The following FBXO27 variants were observed in gnomAD, a reference collection of about 807,000 sequenced individuals.
FBXO27 encodes the protein F-box only protein 27.
In FBXO27, 28 loss-of-function variants were observed where a neutral mutation model predicts 28.3. The observed-to-expected ratio is 0.99, with a 90% CI of 0.73 to 1.36. FBXO27 has a LOEUF of 1.36. FBXO27 is among the 40% of genes most tolerant of loss of function. The probability of loss-of-function intolerance (pLI) is 0.00; values close to 1 mark genes in which losing one functional copy is unlikely to be tolerated. For missense variants in FBXO27, 388 were observed against 394.1 expected (o/e 0.98, Z 0.13); for synonymous variants, 175 against 167.3 (o/e 1.05, Z -0.36).
In FBXO27 at chr19:39,014,734, A is replaced by AAACAAAC. The variant is rs1555757171; in HGVS notation, c.92-188_92-187insGTTTGTT. ...GAGTAAGACCCTGTCTAAAAACAAA[A>AAACAAAC]AAACAAACAAACAAACAAACAAAAA... On this transcript the variant is annotated intron_variant, in intron 1 of 2. Transcript: ENST00000598394. Among the ~76,000 whole-genome samples, 1,088 of 149,120 alleles carry AAACAAAC rather than the reference A, an allele frequency of 7.3e-3. 13 individuals are homozygous for AAACAAAC. The highest frequency in any genetic ancestry group is 0.023 in the African/African-American group (922 of 40,164).
At chr19:39,026,580 T>C (rs556636327) in intron 5 of FBXO27, among the ~76,000 whole-genome samples, 5 of 152,194 alleles carry the variant, frequency 3.3e-5, no homozygotes, top group Admixed American at 6.5e-5. Flanking sequence ...ATTCAAACGA[T>C]TGCCTGCCTC....
chr19:39,022,236 G>A (rs1392293807), downstream of FBXO27, among the ~76,000 whole-genome samples: 1 of 140,246 alleles, frequency 7.1e-6, no homozygotes, highest in Non-Finnish European at 1.5e-5. Flanking sequence ...GGGGGCTCCA[G>A]TGATCCTCCC....
At chr19:39,012,704 T>C (rs2072801580) in intron 2 of FBXO27, among the ~76,000 whole-genome samples, 1 of 151,990 alleles carries the variant, frequency 6.6e-6, no homozygotes, top group Non-Finnish European at 1.5e-5. Flanking sequence ...ATGCCTGTAA[T>C]GCTAGCACTT....
intron 2 of FBXO27, among the ~76,000 whole-genome samples, chr19:39,011,344 A>C (rs952810249): frequency 2.6e-5 from 4 of 152,250 alleles, no homozygotes; most frequent in Admixed American, 2.6e-4. Flanking sequence ...AGGCATGAGA[A>C]TTGCTTGAAC....
In FBXO27 at chr19:39,010,143, C is replaced by CTT. The variant is rs60049248; in HGVS notation, c.252+4242_252+4243dup. ...TTAAATTTTGATGAGGTTAAATTTACTTTTTTTTTTCCTATTGTTGCTTGT... is the reference window on the plus strand; with the variant it reads ...TTAAATTTTGATGAGGTTAAATTTACTTTTTTTTTTTTCCTATTGTTGCTTGT... On this transcript the variant is annotated intron_variant, in intron 2 of 2. Coordinates refer to the FBXO27 transcript ENST00000598394. Among the ~76,000 whole-genome samples, 970 of 149,246 alleles carry CTT rather than the reference C, an allele frequency of 6.5e-3. 5 individuals carry two copies. The highest frequency in any genetic ancestry group is 0.016 in the Admixed American group (244 of 14,868).
intron 4 of FBXO27, among the ~76,000 whole-genome samples, chr19:39,030,255 T>C (rs1483348072): frequency 2.0e-5 from 3 of 152,206 alleles, no homozygotes; most frequent in Admixed American, 1.3e-4. Flanking sequence ...TCACATAAAG[T>C]ACTTGCTATG....
chr19:39,012,985 G>A (rs8104357), intron 2 of FBXO27, among the ~76,000 whole-genome samples: 10,168 of 59,286 alleles, frequency 0.17, 436 homozygotes, highest in Middle Eastern at 0.32. Flanking sequence ...ACAAACAAAC[G>A]AACAAACAAA....
At chr19:39,027,185 C>A (rs188287355) in intron 4 of FBXO27, among the ~76,000 whole-genome samples, 180 bp from the exon 5 acceptor site, 322 of 152,216 alleles carry the variant, frequency 2.1e-3, no homozygotes, top group Non-Finnish European at 3.7e-3. Flanking sequence ...GATGGGGACC[C>A]AGGTGGTACT....
At chr19:39,010,858 T>C (rs1378977632) in intron 2 of FBXO27, among the ~76,000 whole-genome samples, 1 of 152,212 alleles carries the variant, frequency 6.6e-6, no homozygotes, top group Non-Finnish European at 1.5e-5. Context: ...AATAAAGCTG[T>C]TTTCTTCTAC....
intron 2 of FBXO27, among the ~76,000 whole-genome samples, chr19:39,011,583 G>C (rs1030990840): frequency 6.6e-6 from 1 of 152,010 alleles, no homozygotes; most frequent in Non-Finnish European, 1.5e-5. Context: ...CAATATTGTA[G>C]CTTTCAGTGT....
intron 1 of FBXO27, among the ~76,000 whole-genome samples, chr19:39,016,671 G>A (rs6508837): frequency 0.6 from 89,491 of 149,260 alleles, 27,075 homozygotes; most frequent in Middle Eastern, 0.65. Flanking sequence ...TGTAATTCCA[G>A]CTACTCAAGA....
chr19:39,006,242 T>C (rs1568456026), intron 2 of FBXO27, among the ~76,000 whole-genome samples: 1 of 151,306 alleles, frequency 6.6e-6, no homozygotes, highest in Admixed American at 6.6e-5. Context: ...GCAAACATGG[T>C]GAAAAACCCG....
In FBXO27 at chr19:39,031,752, G is replaced by A. The variant is rs77650099; in HGVS notation, c.364+112C>T. The A allele has an allele frequency of 9.9e-5, 106 of 1,070,742 alleles. No homozygotes were observed. The African/African-American group carries it at 2.3e-3, about 24-fold the overall frequency. 66.3% of individuals were successfully genotyped at this position (1,070,742 alleles called of 1,614,324 possible). ...CGACTCCTCCCACCGGTCCCACTGC[G>A]GCCCTGCCCCTGCGGCCCCTAGTAC... On this transcript the variant is annotated intron_variant, in intron 2 of 5. Coordinates refer to ENST00000292853, the MANE Select transcript of FBXO27 (RefSeq NM_178820.5).
chr19:39,007,799 C>T (rs777943841), intron 2 of FBXO27, among the ~76,000 whole-genome samples: 12 of 152,186 alleles, frequency 7.9e-5, no homozygotes, highest in South Asian at 2.1e-4. Flanking sequence ...CATGCCACCA[C>T]GCCTGGCTAA....
At chr19:39,012,124 C>T (rs113570306) in intron 2 of FBXO27, among the ~76,000 whole-genome samples, 4 of 151,742 alleles carry the variant, frequency 2.6e-5, no homozygotes, top group South Asian at 2.1e-4. Context: ...TGAGCCACCA[C>T]GCCCGGCCGA....
chr19:39,008,101 T>C (rs1017950707), intron 2 of FBXO27, among the ~76,000 whole-genome samples: 3 of 151,936 alleles, frequency 2.0e-5, no homozygotes, highest in Non-Finnish European at 4.4e-5. Context: ...CCATCTCTAC[T>C]AAAAATATGA....
chr19:39,023,706 C>T (rs937370236), downstream of FBXO27, among the ~76,000 whole-genome samples: 21 of 151,988 alleles, frequency 1.4e-4, no homozygotes, highest in Non-Finnish European at 2.2e-4. Context: ...CTCCACCTCC[C>T]GGATTCAAAC....
intron 1 of FBXO27, among the ~76,000 whole-genome samples, chr19:39,016,258 C>A (rs977597349): frequency 6.6e-6 from 1 of 152,014 alleles, no homozygotes; most frequent in Non-Finnish European, 1.5e-5. Flanking sequence ...CCAAGTGTGA[C>A]CCTAATACAA....
chr19:39,030,958 G>C (rs1019698305), intron 4 of FBXO27, 71 bp downstream of exon 4: 10 of 1,317,590 alleles, frequency 7.6e-6, no homozygotes, highest in African/African-American at 1.4e-5. Context: ...CCTAAATTAA[G>C]TCACCCATAA....
Sources: gnomAD v4.1 joint callset for allele counts (sites outside exome capture counted in the v4.1 genomes callset) on GRCh38, gnomAD v4.1.1 for gene constraint, MANE v1.5 for transcripts, NCBI Gene and HGNC (gene_info 2026-07-23, HGNC 2026-07-21) for gene names.